Variants in RNF170 observed in about 807,000 individuals in gnomAD.
The protein encoded by RNF170 is E3 ubiquitin-protein ligase RNF170.
RNF170 carries 12 observed loss-of-function variants against 32.7 expected under a neutral mutation model. The ratio of observed to expected loss-of-function variants is 0.37; its 90% CI spans 0.24 to 0.60. The LOEUF (loss-of-function observed/expected upper bound fraction) is 0.60, where lower values mean the gene tolerates loss of function less well. RNF170 is among the 20% of genes least tolerant of loss of function. The pLI, the probability that RNF170 is intolerant of heterozygous loss-of-function variation, is 0.72. For synonymous variants in RNF170, 91 were observed against 103.6 expected (o/e 0.88, Z 0.74); for missense variants, 212 against 311.2 (o/e 0.68, Z 2.40).
At chr8:42,857,427 A>G (rs1803323695) in intron 6 of RNF170, among the ~76,000 whole-genome samples, 1 of 152,198 alleles carries the variant, frequency 6.6e-6, no homozygotes, top group Admixed American at 6.5e-5. Context: ...GACTTTAGAT[A>G]CTCTAACAAA....
rs867270419 is a variant in RNF170 at position 42,892,773 on chromosome 8, A to T, written c.-8+3711T>A. Among the ~76,000 whole-genome samples the T allele has an allele frequency of 1.6e-4, 24 of 151,718 alleles. 1 individual carries two copies. Among genetic ancestry groups the T allele is most frequent in the African/African-American group, 5.3e-4 (22 of 41,370 alleles). On this transcript the variant is annotated intron_variant, in intron 1 of 6. Transcript: ENST00000527424. ...ATGCCAAGGTGGGTGGATCACTTGAAGCCAGGAGTTTGAGACCAGCCTGGC... is the reference window on the plus strand; with the variant it reads ...ATGCCAAGGTGGGTGGATCACTTGATGCCAGGAGTTTGAGACCAGCCTGGC...
At chr8:42,850,756 C>T (rs1802919678), downstream of RNF170, 7 of 1,551,408 alleles carry the variant, frequency 4.5e-6, no homozygotes, top group African/African-American at 4.1e-5. Flanking sequence ...TTTTGCACTG[C>T]CTACTTTTGG....
rs530481607 is a variant in RNF170, at chr8:42,895,238, C to T, written c.-8+1246G>A. On this transcript the variant is annotated intron_variant, in intron 1 of 6. Coordinates refer to ENST00000527424, the MANE Select transcript of RNF170 (RefSeq NM_030954.4). ...GCTGAGGTAGGAGGATCACTTGAGC[C>T]CAGGAGGCAGAGGTTGCAGTGAACC... Among the ~76,000 whole-genome samples the T allele has an allele frequency of 1.1e-4, 16 of 152,122 alleles. No homozygotes were observed. In the East Asian group the frequency reaches 1.9e-3, roughly 18 times the overall value.
At chr8:42,879,699 A>T (rs1303969702) in intron 2 of RNF170, among the ~76,000 whole-genome samples, 1 of 151,560 alleles carries the variant, frequency 6.6e-6, no homozygotes, top group African/African-American at 2.4e-5. Context: ...TTTGAGACAG[A>T]GTCTCACCCT....
chr8:42,869,963 C>T (rs1263005538), intron 4 of RNF170, 41 bp downstream of exon 4: 9 of 1,424,666 alleles, frequency 6.3e-6, no homozygotes, highest in Non-Finnish European at 8.9e-6. Flanking sequence ...AGGTCTTGGT[C>T]TACACAGTCA....
At chr8:42,865,563 T>G in intron 4 of RNF170, 74 bp from the exon 5 acceptor site, 1 of 1,059,258 alleles carries the variant, frequency 9.4e-7, no homozygotes, top group South Asian at 1.3e-5. Flanking sequence ...CTCAGAAAGA[T>G]TCAACTATTT....
At chr8:42,877,192 C>T (rs937365419) in intron 2 of RNF170, among the ~76,000 whole-genome samples, 2 of 151,914 alleles carry the variant, frequency 1.3e-5, no homozygotes, top group Admixed American at 6.6e-5. Context: ...TCCCAAAGTG[C>T]TGGGATTACA....
intron 5 of RNF170, among the ~76,000 whole-genome samples, chr8:42,862,117 T>C (rs548130101): frequency 6.6e-6 from 1 of 152,278 alleles, no homozygotes; most frequent in Non-Finnish European, 1.5e-5. Flanking sequence ...GTAAATTCCT[T>C]AGTTCTCTAT....
chr8:42,884,816 C>T (rs1805678104), intron 2 of RNF170, among the ~76,000 whole-genome samples: 1 of 145,678 alleles, frequency 6.9e-6, no homozygotes. Flanking sequence ...ATTCTCCTGC[C>T]TCAGCCTCCT....
intron 2 of RNF170, among the ~76,000 whole-genome samples, chr8:42,883,868 A>T (rs1805607953): frequency 6.6e-6 from 1 of 152,178 alleles, no homozygotes; most frequent in Admixed American, 6.5e-5. Context: ...TTTAAACTAC[A>T]AATGCCACCC....
chr8:42,894,265 T>C (rs1307130830), intron 1 of RNF170, among the ~76,000 whole-genome samples: 1 of 152,198 alleles, frequency 6.6e-6, no homozygotes, highest in African/African-American at 2.4e-5. Flanking sequence ...TTAGGTCCAT[T>C]GTGTCAAAGC....
chr8:42,886,456 T>G (rs1038979890), intron 2 of RNF170, among the ~76,000 whole-genome samples: 3 of 152,114 alleles, frequency 2.0e-5, no homozygotes, highest in African/African-American at 7.2e-5. Flanking sequence ...AATACCCGAT[T>G]GAAATCAAGA....
intron 4 of RNF170, among the ~76,000 whole-genome samples, chr8:42,868,511 T>C (rs1804285145): frequency 6.6e-6 from 1 of 152,184 alleles, no homozygotes; most frequent in African/African-American, 2.4e-5. Flanking sequence ...GAACCACTAA[T>C]CATGCAGAAC....
At chr8:42,894,502 T>C (rs1391346795) in intron 1 of RNF170, among the ~76,000 whole-genome samples, 1 of 152,184 alleles carries the variant, frequency 6.6e-6, no homozygotes, top group African/African-American at 2.4e-5. Context: ...ATGTAGGAAC[T>C]CTAGTTTGAC....
rs1240397187 is a variant in RNF170, at chr8:42,855,940, GATC to G, written c.*216_*218del. On this transcript the variant is annotated 3_prime_UTR_variant, in exon 7 of 7. Transcript: ENST00000527424. Reference sequence around the variant, plus strand: ...AACATAGAATCAAGATACAACTGTAGATCATTATAATTCTAAACTTAATATTAG... The same window carrying G: ...AACATAGAATCAAGATACAACTGTAGATTATAATTCTAAACTTAATATTAG... 7.5e-7 allele frequency: 1 copy of G among 1,337,876 alleles called. No homozygotes were observed. Among genetic ancestry groups the G allele is most frequent in the Non-Finnish European group, 9.9e-7 (1 of 1,008,118 alleles). The allele number at this position is 1,337,876 out of a possible 1,614,324, so 82.9% of individuals were successfully genotyped here. A position where few individuals can be genotyped will look rare whatever the true frequency, so the allele number is the denominator to read the frequency against.
Position 42,886,788 on chromosome 8 carries a change from T to C in RNF170, c.137+940A>G, listed in dbSNP as rs142438573. On this transcript the variant is annotated intron_variant, in intron 2 of 6. Coordinates refer to ENST00000527424, the MANE Select transcript of RNF170 (RefSeq NM_030954.4). ...CTGTAGTCCCAGCAACCTGGGAAGC[T>C]GGGATGGGAGGACTGCTTGAGTCCA... 2.0e-5 allele frequency among the ~76,000 whole-genome samples: 3 copies of C among 152,264 alleles called. No homozygotes were observed. In the East Asian group the frequency reaches 5.8e-4, roughly 29 times the overall value.
chr8:42,851,385 A>G (rs1802937588), downstream of RNF170, among the ~76,000 whole-genome samples: 1 of 151,918 alleles, frequency 6.6e-6, no homozygotes, highest in Non-Finnish European at 1.5e-5. Context: ...AGGGTTTAGT[A>G]GAAACCCTGT....
At chr8:42,895,892 T>C (rs1242137471) in intron 1 of RNF170, among the ~76,000 whole-genome samples, 1 of 152,212 alleles carries the variant, frequency 6.6e-6, no homozygotes, top group East Asian at 1.9e-4. Context: ...GCACAGGGCA[T>C]GGGTGAGAAA....
Position 42,856,459 on chromosome 8 carries a change from C to T in RNF170, c.508-31G>A, listed in dbSNP as rs953799642. The T allele has an allele frequency of 2.0e-6, 3 of 1,471,714 alleles. No individual in the cohort carries two copies. In the African/African-American group the frequency reaches 4.2e-5, roughly 20 times the overall value. 91.2% of individuals were successfully genotyped at this position (1,471,714 alleles called of 1,614,324 possible). A position where few individuals can be genotyped will look rare whatever the true frequency, so the allele number is the denominator to read the frequency against. ...AGAGGGAAAAACAAGTATTATGATT[C>T]AGCACCTAATGTGTCAGATTTCAAA... On this transcript the variant is annotated intron_variant, in intron 6 of 6. Coordinates refer to ENST00000527424, the MANE Select transcript of RNF170 (RefSeq NM_030954.4).
Sources: allele counts gnomAD v4.1 joint callset (sites outside exome capture counted in the v4.1 genomes callset), GRCh38; gene constraint gnomAD v4.1.1; transcripts MANE v1.5; gene names NCBI Gene and HGNC (gene_info 2026-07-23, HGNC 2026-07-21).